THSD7A: variants seen among roughly 807,000 people sequenced by gnomAD.
THSD7A encodes the protein thrombospondin type 1 domain containing 7A, also known as thrombospondin type-1 domain-containing protein 7A.
THSD7A carries 96 observed loss-of-function variants against 231.3 expected under a neutral mutation model. The ratio of observed to expected loss-of-function variants is 0.41; its 90% CI spans 0.35 to 0.49. THSD7A has a LOEUF of 0.49. Ranked by LOEUF, THSD7A falls within the 20% of genes least tolerant of loss-of-function variation. THSD7A has a pLI of 0.05. For missense variants in THSD7A, 2,290 were observed against 2,070.2 expected, an observed-to-expected ratio of 1.11 and a Z score of -2.06; for synonymous variants, 940 against 743.3, an observed-to-expected ratio of 1.26 and a Z score of -4.30.
At chr7:11,537,261 G>A (rs1788950677) in intron 6 of THSD7A, among the ~76,000 whole-genome samples, 1 of 152,142 alleles carries the variant, frequency 6.6e-6, no homozygotes, top group South Asian at 2.1e-4. Context: ...AGATTAAGCA[G>A]TCACATGGCA....
At chr7:11,640,079 G>A (rs545661425) in intron 1 of THSD7A, among the ~76,000 whole-genome samples, 223 of 152,246 alleles carry the variant, frequency 1.5e-3, no homozygotes, top group African/African-American at 5.1e-3. Flanking sequence ...TACCATATAT[G>A]TTTCTCACGT....
chr7:11,800,302 A>C (rs1181789733), intron 1 of THSD7A, among the ~76,000 whole-genome samples: 1 of 152,152 alleles, frequency 6.6e-6, no homozygotes, highest in Non-Finnish European at 1.5e-5. Context: ...TAATCCCAGC[A>C]CTTTTGGAGG....
chr7:11,469,949 A>C lies in THSD7A; in HGVS notation c.2298T>G (p.Leu766=). ...LRPETVRPCL[L]PCKKDCIVTP... ...TCACAATACAGTCCTTCTTACAAGG[A>C]AGCAGACAAGGCCTTACAGTTTCAG... Residue 766 remains leucine, a synonymous_variant, in exon 9 of 28, where the codon CTT becomes CTG. Transcript: ENST00000423059. 2 of 1,601,458 alleles carry C rather than the reference A, an allele frequency of 1.2e-6. No individual in the cohort carries two copies. Among genetic ancestry groups the C allele is most frequent in the Non-Finnish European group, 1.7e-6 (2 of 1,173,376 alleles).
intron 1 of THSD7A, among the ~76,000 whole-genome samples, chr7:11,650,884 TAATA>T (rs1782475326): frequency 6.6e-6 from 1 of 152,056 alleles, no homozygotes; most frequent in Non-Finnish European, 1.5e-5. Context: ...TTCTATGAAC[TAATA>T]AATGTTAGGG....
chr7:11,719,339 A>G (rs1781262853), intron 1 of THSD7A, among the ~76,000 whole-genome samples: 1 of 151,678 alleles, frequency 6.6e-6, no homozygotes, highest in Non-Finnish European at 1.5e-5. Context: ...ATCTGGAGAC[A>G]TCAGCCTTCA....
chr7:11,438,920 A>G (rs886305202), intron 13 of THSD7A, among the ~76,000 whole-genome samples: 2 of 152,056 alleles, frequency 1.3e-5, no homozygotes, highest in Admixed American at 6.6e-5. Context: ...TTCTTCCTCA[A>G]TACTTTGACA....
At chr7:11,673,761 G>T (rs943985396) in intron 1 of THSD7A, among the ~76,000 whole-genome samples, 2 of 152,128 alleles carry the variant, frequency 1.3e-5, no homozygotes, top group East Asian at 1.9e-4. Flanking sequence ...TCCTCCAGGA[G>T]TCCCACCCTT....
intron 6 of THSD7A, among the ~76,000 whole-genome samples, chr7:11,514,806 T>C (rs1308644642): frequency 6.6e-6 from 1 of 152,170 alleles, no homozygotes; most frequent in Non-Finnish European, 1.5e-5. Context: ...CTTTCTCCTT[T>C]CAAGATTATT....
chr7:11,375,131 G>A lies in THSD7A; in HGVS notation c.*663C>T, dbSNP rs1483996858. 1.3e-5 allele frequency: 2 copies of A among 151,694 alleles called. No homozygotes were observed. Among genetic ancestry groups the A allele is most frequent in the Non-Finnish European group, 2.9e-5 (2 of 67,888 alleles). 9.4% of individuals were successfully genotyped at this position (151,694 alleles called of 1,614,324 possible). A position where few individuals can be genotyped will look rare whatever the true frequency, so the allele number is the denominator to read the frequency against. On this transcript the variant is annotated 3_prime_UTR_variant, in exon 28 of 28. Transcript: ENST00000423059. The stretch of plus-strand genomic sequence containing the variant: ...TATAAAATACTGAACTTGAGGACTC[G>A]TTCTTCTAAGACACTAGTACTTGTC...
At chr7:11,523,406 C>T (rs575404491) in intron 6 of THSD7A, among the ~76,000 whole-genome samples, 29 of 152,110 alleles carry the variant, frequency 1.9e-4, no homozygotes, top group African/African-American at 7.0e-4. Flanking sequence ...TTCACATCAC[C>T]ACTAAGAAAA....
intron 1 of THSD7A, among the ~76,000 whole-genome samples, chr7:11,783,690 T>C (rs975652839): frequency 6.6e-6 from 1 of 152,110 alleles, no homozygotes; most frequent in African/African-American, 2.4e-5. Flanking sequence ...AACTAGTTAG[T>C]GAGCTAGAGG....
At chr7:11,477,726 T>C (rs1562641980) in intron 7 of THSD7A, among the ~76,000 whole-genome samples, 1 of 152,192 alleles carries the variant, frequency 6.6e-6, no homozygotes. Context: ...ACTTCTTCTA[T>C]TGCAGCTGTG....
chr7:11,638,619 G>A (rs2526098), intron 1 of THSD7A, among the ~76,000 whole-genome samples: 117,383 of 152,054 alleles, frequency 0.77, 45,865 homozygotes, highest in African/African-American at 0.9. Context: ...TGGCATACCC[G>A]TATCATTCCT....
At chr7:11,652,291 C>G (rs1782533559) in intron 1 of THSD7A, among the ~76,000 whole-genome samples, 1 of 151,776 alleles carries the variant, frequency 6.6e-6, no homozygotes, top group African/African-American at 2.4e-5. Context: ...GGCACGGGAG[C>G]AGGACTGGCA....
chr7:11,800,762 T>C (rs1034418464), intron 1 of THSD7A, among the ~76,000 whole-genome samples: 2 of 152,134 alleles, frequency 1.3e-5, no homozygotes, highest in African/African-American at 2.4e-5. Context: ...TCGATGAGTA[T>C]AAAGTTTCTA....
chr7:11,438,265 T>C (rs1784694873), intron 13 of THSD7A, among the ~76,000 whole-genome samples: 1 of 152,076 alleles, frequency 6.6e-6, no homozygotes, highest in African/African-American at 2.4e-5. Context: ...TGTTAAATGT[T>C]TCCACACAAG....
chr7:11,531,558 A>G (rs181184611), intron 6 of THSD7A, among the ~76,000 whole-genome samples: 2 of 152,288 alleles, frequency 1.3e-5, no homozygotes, highest in East Asian at 1.9e-4. Context: ...CTTGCATTTA[A>G]TGTTCCTTCT....
chr7:11,407,152 G>T, intron 20 of THSD7A, 97 bp from the exon 21 acceptor site: 1 of 1,506,882 alleles, frequency 6.6e-7, no homozygotes, highest in Non-Finnish European at 9.0e-7. Flanking sequence ...ATCTCCTGAG[G>T]CAATCCAGGA....
Position 11,543,149 on chromosome 7 carries a change from T to C in THSD7A, c.1454-32A>G, listed in dbSNP as rs183652382. ...AAAAATACAGACACATATTAAAAAA[T>C]GAACAAAAGGAACATATATGGCCAA... On this transcript the variant is annotated intron_variant, in intron 4 of 27. Coordinates refer to ENST00000423059, the MANE Select transcript of THSD7A (RefSeq NM_015204.3). 131 of 1,587,300 alleles carry C rather than the reference T, an allele frequency of 8.3e-5. No homozygotes were observed. In the African/African-American group the frequency reaches 1.6e-3, roughly 19 times the overall value.
Sources: allele counts gnomAD v4.1 joint callset (sites outside exome capture counted in the v4.1 genomes callset), GRCh38; gene constraint gnomAD v4.1.1; transcripts MANE v1.5; gene names NCBI Gene and HGNC (gene_info 2026-07-23, HGNC 2026-07-21).